FRMD4B: variants seen among roughly 807,000 people sequenced by gnomAD.
FRMD4B encodes FERM domain containing 4B, also known as FERM domain-containing protein 4B.
FRMD4B carries 74 observed loss-of-function variants against 141.5 expected under a neutral mutation model. The observed-to-expected ratio is 0.52, with a 90% confidence interval of 0.43 to 0.63. The LOEUF is 0.63. FRMD4B is among the 30% of genes least tolerant of loss of function. The probability of loss-of-function intolerance (pLI) is 0.00; values close to 1 mark genes in which losing one functional copy is unlikely to be tolerated. For synonymous variants in FRMD4B, 506 were observed against 467.9 expected, an observed-to-expected ratio of 1.08 and a Z score of -1.05; for missense variants, 1,366 against 1,253.4, an observed-to-expected ratio of 1.09 and a Z score of -1.36.
At chr3:69,456,112 G>A (rs965275099) in intron 1 of FRMD4B, among the ~76,000 whole-genome samples, 2 of 152,158 alleles carry the variant, frequency 1.3e-5, no homozygotes, top group African/African-American at 4.8e-5. Flanking sequence ...CTTATATAGG[G>A]ATTGAATCAC....
intron 1 of FRMD4B, among the ~76,000 whole-genome samples, chr3:69,535,192 T>C (rs1421086095): frequency 6.6e-6 from 1 of 151,408 alleles, no homozygotes; most frequent in African/African-American, 2.4e-5. Context: ...TGAGTGTAGA[T>C]CCTCTGAAGC....
chr3:69,188,774 A>AC (rs1359259523), intron 18 of FRMD4B, among the ~76,000 whole-genome samples: 7,482 of 149,718 alleles, frequency 0.05, 537 homozygotes, highest in East Asian at 0.26. Context: ...AAAAAAAAAA[A>AC]AAAAAAAAAA....
rs373458691 is a variant in FRMD4B, at chr3:69,302,389, C to T, written c.370G>A (p.Asp124Asn). ...LQLDHRVLDH[D>N]LPKKPGPTIL... Reference sequence around the variant, plus strand: ...GTTGGGCCTGGTTTCTTGGGCAAATCGTGGTCAAGAACTCGGTGATCTAAC... The same window carrying T: ...GTTGGGCCTGGTTTCTTGGGCAAATTGTGGTCAAGAACTCGGTGATCTAAC... Residue 124 changes from aspartate (D) to asparagine (N), a missense_variant, in exon 4 of 23, where the codon GAT becomes AAT. Coordinates refer to ENST00000398540, the MANE Select transcript of FRMD4B (RefSeq NM_015123.3). 44 of 1,609,444 alleles carry T rather than the reference C, an allele frequency of 2.7e-5. No individual in the cohort carries two copies. Among genetic ancestry groups the T allele is most frequent in the South Asian group, 1.0e-4 (9 of 90,006 alleles).
chr3:69,177,616 C>T (rs1318174118), intron 21 of FRMD4B, among the ~76,000 whole-genome samples: 2 of 152,188 alleles, frequency 1.3e-5, no homozygotes, highest in Admixed American at 6.5e-5. Context: ...CACCACTGCA[C>T]TACAGCCTGG....
At chr3:69,301,185 G>T (rs556529705) in intron 4 of FRMD4B, among the ~76,000 whole-genome samples, 1 of 152,172 alleles carries the variant, frequency 6.6e-6, no homozygotes, top group Non-Finnish European at 1.5e-5. Flanking sequence ...CTAAGAAGGG[G>T]AGCAAAGTTT....
At chr3:69,438,076 T>G (rs1404171137) in intron 1 of FRMD4B, among the ~76,000 whole-genome samples, 3 of 146,716 alleles carry the variant, frequency 2.0e-5, no homozygotes, top group African/African-American at 5.0e-5. Flanking sequence ...CATAATATAT[T>G]ATTATCTATT....
chr3:69,332,358 G>A (rs1702397031), intron 1 of FRMD4B, among the ~76,000 whole-genome samples: 1 of 152,112 alleles, frequency 6.6e-6, no homozygotes, highest in African/African-American at 2.4e-5. Context: ...GAGTCTCAAT[G>A]TGCCAGAAAT....
At chr3:69,317,174 A>G (rs907014111) in intron 1 of FRMD4B, among the ~76,000 whole-genome samples, 3 of 152,204 alleles carry the variant, frequency 2.0e-5, no homozygotes, top group African/African-American at 7.2e-5. Flanking sequence ...ATTTTATTCT[A>G]GACTATTCAA....
intron 5 of FRMD4B, among the ~76,000 whole-genome samples, chr3:69,256,089 C>T (rs1174335203): frequency 1.4e-5 from 2 of 148,054 alleles, no homozygotes; most frequent in Non-Finnish European, 3.0e-5. Flanking sequence ...ACGGTGAGAC[C>T]TGTCCTTAAA....
At chr3:69,510,121 C>T (rs1277139465) in intron 1 of FRMD4B, among the ~76,000 whole-genome samples, 2 of 151,904 alleles carry the variant, frequency 1.3e-5, no homozygotes, top group African/African-American at 4.8e-5. Context: ...GAATATTCGT[C>T]CAGAACAATT....
rs112056432 is a variant in FRMD4B, at chr3:69,239,681, C to T, written c.581+9545G>A. Among the ~76,000 whole-genome samples, 648 of 152,058 alleles carry T rather than the reference C, an allele frequency of 4.3e-3. 3 individuals are homozygous for T. The highest frequency in any genetic ancestry group is 0.013 in the African/African-American group (557 of 41,490). ...GTAGAATGGTGGTGGCCATGGACTG[C>T]GGGAGGAGTGAATAGGGAGCTGTTT... On this transcript the variant is annotated intron_variant, in intron 7 of 22. Coordinates refer to ENST00000398540, the MANE Select transcript of FRMD4B (RefSeq NM_015123.3).
At chr3:69,452,740 C>G (rs551944263) in intron 1 of FRMD4B, among the ~76,000 whole-genome samples, 2 of 152,192 alleles carry the variant, frequency 1.3e-5, no homozygotes, top group African/African-American at 4.8e-5. Context: ...AAGCACATTT[C>G]ATGTGGCTAG....
chr3:69,456,636 C>T (rs1477079072), intron 1 of FRMD4B, among the ~76,000 whole-genome samples: 1 of 151,350 alleles, frequency 6.6e-6, no homozygotes, highest in African/African-American at 2.4e-5. Context: ...TCTTGTTCGC[C>T]ATTGTATACA....
intron 7 of FRMD4B, among the ~76,000 whole-genome samples, chr3:69,232,151 T>A (rs1178665043): frequency 6.6e-6 from 1 of 152,102 alleles, no homozygotes; most frequent in Non-Finnish European, 1.5e-5. Context: ...ATAAATACAC[T>A]CAAACTGACT....
intron 7 of FRMD4B, among the ~76,000 whole-genome samples, chr3:69,244,366 AGT>A (rs1173535758): frequency 1.3e-5 from 2 of 152,176 alleles, no homozygotes; most frequent in African/African-American, 4.8e-5. Flanking sequence ...ATTCACAAGG[AGT>A]GGACCAGAGC....
intron 1 of FRMD4B, among the ~76,000 whole-genome samples, chr3:69,357,220 G>T (rs1040715890): frequency 6.6e-6 from 1 of 152,114 alleles, no homozygotes; most frequent in African/African-American, 2.4e-5. Context: ...AATCAGAAGG[G>T]GTCCCAGATA....
intron 2 of FRMD4B, among the ~76,000 whole-genome samples, chr3:69,411,194 T>C (rs139841609): frequency 8.1e-4 from 124 of 152,316 alleles, no homozygotes; most frequent in African/African-American, 2.8e-3. Flanking sequence ...CCTAATTTTC[T>C]ACATGGTGGC....
intron 2 of FRMD4B, among the ~76,000 whole-genome samples, chr3:69,395,307 T>C (rs1363076998): frequency 6.6e-6 from 1 of 152,128 alleles, no homozygotes; most frequent in Non-Finnish European, 1.5e-5. Flanking sequence ...ATACAATAAA[T>C]GGTAGAAGAA....
At chr3:69,463,073 A>G (rs1233033580) in intron 1 of FRMD4B, among the ~76,000 whole-genome samples, 2 of 152,234 alleles carry the variant, frequency 1.3e-5, no homozygotes, top group Non-Finnish European at 2.9e-5. Flanking sequence ...GTAATGGAAC[A>G]TAATCTGCAT....
Sources: gnomAD v4.1 joint callset for allele counts (sites outside exome capture counted in the v4.1 genomes callset) on GRCh38, gnomAD v4.1.1 for gene constraint, MANE v1.5 for transcripts, NCBI Gene and HGNC (gene_info 2026-07-23, HGNC 2026-07-21) for gene names.